The following COL16A1 variants were observed in gnomAD, a reference collection of about 807,000 sequenced individuals.
The protein encoded by COL16A1 is collagen alpha-1(XVI) chain.
A neutral mutation model predicts 266.3 loss-of-function variants in COL16A1; 189 were observed. That is an observed-to-expected ratio of 0.71 (90% CI 0.63 to 0.80). The LOEUF is 0.80. COL16A1 is among the 30% of genes least tolerant of loss of function. COL16A1 has a pLI of 0.00. For missense variants in COL16A1, 1,928 were observed against 2,122.4 expected, an observed-to-expected ratio of 0.91 and a Z score of 1.80; for synonymous variants, 740 against 782.3, an observed-to-expected ratio of 0.95 and a Z score of 0.90.
Position 31,670,784 on chromosome 1 carries a change from C to T in COL16A1, c.3151-138G>A. ...TTCAAGGCAGCTGGAAAAGAGACTC[C>T]TTGAAAGTCTTGGCTCAAAAGACAA... On this transcript the variant is annotated intron_variant, in intron 48 of 70. Transcript: ENST00000373672. This position sits in a 1 kb window ranked among gnomAD's most constrained non-coding sequence, Gnocchi z 4.5. The T allele has an allele frequency of 3.2e-6, 2 of 624,178 alleles. No homozygotes were observed. Among genetic ancestry groups the T allele is most frequent in the Non-Finnish European group, 4.9e-6 (2 of 407,176 alleles). The allele number at this position is 624,178 out of a possible 1,614,324, so 38.7% of individuals were successfully genotyped here. A position where few individuals can be genotyped will look rare whatever the true frequency, so the allele number is the denominator to read the frequency against.
chr1:31,680,319 C>T (rs1643536878), intron 39 of COL16A1, among the ~76,000 whole-genome samples: 2 of 152,208 alleles, frequency 1.3e-5, no homozygotes, highest in South Asian at 4.1e-4. Flanking sequence ...CATGGAGTCT[C>T]AGGAGGACAA....
At chr1:31,673,164 C>A in intron 44 of COL16A1, 1 of 404,470 alleles carries the variant, frequency 2.5e-6, no homozygotes, top group Non-Finnish European at 4.7e-6. Flanking sequence ...CAACCTGCAC[C>A]CACTGCGAGG....
Position 31,670,555 on chromosome 1 carries a change from C to A in COL16A1, c.3195+47G>T. The A allele has an allele frequency of 7.4e-7, 1 of 1,352,288 alleles. No homozygotes were observed. Among genetic ancestry groups the A allele is most frequent in the Non-Finnish European group, 9.6e-7 (1 of 1,046,874 alleles). 83.8% of individuals were successfully genotyped at this position (1,352,288 alleles called of 1,614,324 possible). On this transcript the variant is annotated intron_variant, in intron 49 of 70. Transcript: ENST00000373672. The surrounding 1 kb of genome is among the most constrained non-coding windows in gnomAD (Gnocchi z 4.5). ...GGGAGACAAGCAAAAGCCACAGAGACCTGGCTGACGGGGGGGAGGGGAGGT... is the reference window on the plus strand; with the variant it reads ...GGGAGACAAGCAAAAGCCACAGAGAACTGGCTGACGGGGGGGAGGGGAGGT...
rs1641896644 is a variant in COL16A1 at position 31,663,864 on chromosome 1, G to A, written c.3556-1206C>T. ...CAGAAAAGGCGGGGGGAGGCAAGCA[G>A]CATAGCGGGGAAGGTGGCTGCATTC... On this transcript the variant is annotated intron_variant, in intron 56 of 70. Coordinates refer to ENST00000373672, the MANE Select transcript of COL16A1 (RefSeq NM_001856.4). This position sits in a 1 kb window ranked among gnomAD's most constrained non-coding sequence, Gnocchi z 4.9. Among the ~76,000 whole-genome samples the A allele has an allele frequency of 6.6e-6, 1 of 152,180 alleles. No individual in the cohort carries two copies. Among genetic ancestry groups the A allele is most frequent in the African/African-American group, 2.4e-5 (1 of 41,436 alleles).
At position 31,652,728 on chromosome 1, in the gene COL16A1, G is replaced by T. The variant is rs1206831076; in HGVS notation, c.4738C>A (p.Pro1580Thr). 2.5e-6 allele frequency: 4 copies of T among 1,607,550 alleles called. No individual in the cohort carries two copies. Among genetic ancestry groups the T allele is most frequent in the Non-Finnish European group, 3.4e-6 (4 of 1,178,138 alleles). Residue 1580 changes from proline to threonine, a missense_variant, in exon 71 of 71, where the codon CCC becomes ACC. By Grantham distance (38) the Pro-to-Thr change is conservative. Transcript: ENST00000373672. The surrounding 1 kb of genome is among the most constrained non-coding windows in gnomAD (Gnocchi z 4.8). The part of the protein sequence containing the change: ...GQPGKAGHCN[P>T]SDCFGAMPME... ...GGCATGGCCCCAAAGCAGTCAGAGG[G>T]ATTACAGTGGCCAGCCTTGCCTGGC... is the stretch of plus-strand genomic sequence containing the variant.
chr1:31,661,485 T>G (rs1246722230), intron 59 of COL16A1, 27 bp from the exon 60 acceptor site: 1 of 1,614,096 alleles, frequency 6.2e-7, no homozygotes, highest in Non-Finnish European at 8.5e-7. Flanking sequence ...GGAGTTCTCA[T>G]GTCCCTCATG....
intron 42 of COL16A1, among the ~76,000 whole-genome samples, chr1:31,677,949 C>A (rs186011078): frequency 1.3e-5 from 2 of 152,312 alleles, no homozygotes; most frequent in South Asian, 2.1e-4. Context: ...ATGACTCTTA[C>A]ACTTCCCCAA....
chr1:31,656,973 G>C lies in COL16A1; in HGVS notation c.4056+60C>G, dbSNP rs1040897389. 1 of 1,611,300 alleles carries C rather than the reference G, an allele frequency of 6.2e-7. No homozygotes were observed. The highest frequency in any genetic ancestry group is 1.3e-5 in the African/African-American group (1 of 74,992). On this transcript the variant is annotated intron_variant, in intron 65 of 70. Transcript: ENST00000373672. This position sits in a 1 kb window ranked among gnomAD's most constrained non-coding sequence, Gnocchi z 4.2. ...TACTGAAAAAAATGAAGAGGGGTCA[G>C]GGCAAGGCGAGGAGCAAGAAGCACC...
In COL16A1 at chr1:31,688,794, C is replaced by A. The variant is rs770666628; in HGVS notation, c.1767+67G>T. 693 of 1,493,178 alleles carry A rather than the reference C, an allele frequency of 4.6e-4. No homozygotes were observed. The highest frequency in any genetic ancestry group is 5.9e-4 in the Non-Finnish European group (646 of 1,090,822). The allele number at this position is 1,493,178 out of a possible 1,614,324, so 92.5% of individuals were successfully genotyped here. On this transcript the variant is annotated intron_variant, in intron 25 of 70. Coordinates refer to ENST00000373672, the MANE Select transcript of COL16A1 (RefSeq NM_001856.4). This position sits in a 1 kb window ranked among gnomAD's most constrained non-coding sequence, Gnocchi z 4.9. ...GCCCTGAGACTTGGGATCTGAAAAG[C>A]CAGGGAGATCAACAGTATGGCAAGG...
At chr1:31,675,431 G>A in intron 42 of COL16A1, 120 bp from the exon 43 acceptor site, 1 of 1,412,268 alleles carries the variant, frequency 7.1e-7, no homozygotes, top group Non-Finnish European at 9.8e-7. Context: ...GAGAGCCCTG[G>A]CTGGCACAAG....
Position 31,658,973 on chromosome 1 carries a change from A to C in COL16A1, c.3880-9T>G. Reference sequence around the variant, plus strand: ...GGAGGCCCTGGTGGCCCCTAAAGAGAGATGAGTCAGTGGGATAGAAACAGG... The same window carrying C: ...GGAGGCCCTGGTGGCCCCTAAAGAGCGATGAGTCAGTGGGATAGAAACAGG... On this transcript the variant is annotated splice_polypyrimidine_tract_variant and intron_variant, in intron 62 of 70. Coordinates refer to ENST00000373672, the MANE Select transcript of COL16A1 (RefSeq NM_001856.4). The C allele has an allele frequency of 1.3e-6, 2 of 1,552,958 alleles. No individual in the cohort carries two copies. Among genetic ancestry groups the C allele is most frequent in the African/African-American group, 2.7e-5 (2 of 73,170 alleles).
intron 13 of COL16A1, 131 bp from the exon 14 acceptor site, chr1:31,692,939 A>G: frequency 9.9e-7 from 1 of 1,012,588 alleles, no homozygotes; most frequent in Non-Finnish European, 1.5e-6. Context: ...CTACACCCAA[A>G]CCCCTAGAAA....
At chr1:31,695,347 G>A (rs1370668788) in intron 10 of COL16A1, 126 bp from the exon 11 acceptor site, 3 of 921,680 alleles carry the variant, frequency 3.3e-6, no homozygotes, top group Non-Finnish European at 5.2e-6. Context: ...GGAGCCTGAA[G>A]ATAGGAATCC....
At position 31,689,325 on chromosome 1, in the gene COL16A1, C is replaced by T. The variant is rs1032317805; in HGVS notation, c.1621-240G>A. 5 of 645,008 alleles carry T rather than the reference C, an allele frequency of 7.8e-6. No homozygotes were observed. In the Admixed American group the frequency reaches 1.2e-4, roughly 15 times the overall value. 40.0% of individuals were successfully genotyped at this position (645,008 alleles called of 1,614,324 possible). A position where few individuals can be genotyped will look rare whatever the true frequency, so the allele number is the denominator to read the frequency against. The stretch of plus-strand genomic sequence containing the variant: ...CCAGTGGGAAGTTCCTGCATATACC[C>T]AATCACCTTTTTGTCTGACAGCTCC... On this transcript the variant is annotated intron_variant, in intron 23 of 70. Coordinates refer to ENST00000373672, the MANE Select transcript of COL16A1 (RefSeq NM_001856.4).
chr1:31,664,234 T>A lies in COL16A1; in HGVS notation c.3555+938A>T, dbSNP rs573210485. ...CCACCACTGTCCCAAGCATGGCTGA[T>A]CAGCATGGGCTCTGGGGAGGTAGTG... On this transcript the variant is annotated intron_variant, in intron 56 of 70. Transcript: ENST00000373672. The surrounding 1 kb of genome is among the most constrained non-coding windows in gnomAD (Gnocchi z 5.5). Among the ~76,000 whole-genome samples, 3 of 152,160 alleles carry A rather than the reference T, an allele frequency of 2.0e-5. No individual in the cohort carries two copies. The highest frequency in any genetic ancestry group is 7.2e-5 in the African/African-American group (3 of 41,520).
In COL16A1 at chr1:31,686,044, T is replaced by G. The variant is rs371291143; in HGVS notation, c.1884+47A>C. 27 of 1,610,016 alleles carry G rather than the reference T, an allele frequency of 1.7e-5. No homozygotes were observed. In the African/African-American group the frequency reaches 3.3e-4, roughly 20 times the overall value. On this transcript the variant is annotated intron_variant, in intron 28 of 70. Coordinates refer to ENST00000373672, the MANE Select transcript of COL16A1 (RefSeq NM_001856.4). ...AAGTCGAGCAAGACGAGTGTCTATC[T>G]AGGAAGCTCACCCAGGCTGCAGCAC...
rs777275801 is a variant in COL16A1 at position 31,689,845 on chromosome 1, G to C, written c.1516C>G (p.Pro506Ala). ...KPGVKGEKGDPCEVCPTLPEG... is the reference protein window; with the variant it reads ...KPGVKGEKGDACEVCPTLPEG... ...GGCAGTGTTGGGCACACTTCACAGG[G>C]GTCACCCTAGCAGAAGGGAGAGGCA... is the stretch of plus-strand genomic sequence containing the variant. Residue 506 changes from proline (P) to alanine (A), a missense_variant, in exon 23 of 71, where the codon CCC becomes GCC. Physicochemically the swap from Pro to Ala is conservative, Grantham distance 27. Transcript: ENST00000373672. 4 of 1,613,810 alleles carry C rather than the reference G, an allele frequency of 2.5e-6. No homozygotes were observed. The South Asian group carries it at 4.4e-5, about 18-fold the overall frequency.
intron 22 of COL16A1, 67 bp from the exon 23 acceptor site, chr1:31,689,918 C>T: frequency 7.2e-7 from 1 of 1,387,026 alleles, no homozygotes; most frequent in Non-Finnish European, 1.0e-6. Context: ...CAAGGGGCCT[C>T]TTGCGCAGAC....
chr1:31,691,133 C>G, intron 20 of COL16A1, 55 bp downstream of exon 20: 1 of 1,591,758 alleles, frequency 6.3e-7, no homozygotes, highest in Non-Finnish European at 8.5e-7. Flanking sequence ...CCCCTTCTCT[C>G]TCCTCCTGTC....
Sources: allele counts gnomAD v4.1 joint callset (sites outside exome capture counted in the v4.1 genomes callset), GRCh38; gene constraint gnomAD v4.1.1; non-coding constraint Gnocchi (gnomAD v3.1); transcripts MANE v1.5; gene names NCBI Gene and HGNC (gene_info 2026-07-23, HGNC 2026-07-21).